Variants in RNFT2 observed in about 807,000 individuals in gnomAD.
RNFT2 encodes the protein ring finger protein, transmembrane 2.
A neutral mutation model predicts 53.0 loss-of-function variants in RNFT2; 36 were observed. The observed-to-expected ratio is 0.68, with a 90% confidence interval of 0.52 to 0.90. The LOEUF is 0.90. Among genes scored for constraint, RNFT2 ranks in the 40% least tolerant of loss-of-function variants. The probability of loss-of-function intolerance (pLI) is 0.00; values close to 1 mark genes in which losing one functional copy is unlikely to be tolerated. For missense variants in RNFT2, 514 were observed against 585.6 expected (o/e 0.88, Z 1.26); for synonymous variants, 260 against 253.2 (o/e 1.03, Z -0.26).
In RNFT2 at chr12:116,750,258, C is replaced by T. The variant is rs891615061; in HGVS notation, c.501C>T (p.Leu167=). 1.7e-5 allele frequency: 27 copies of T among 1,606,992 alleles called. No homozygotes were observed. Among genetic ancestry groups the T allele is most frequent in the Non-Finnish European group, 2.2e-5 (26 of 1,179,586 alleles). Reference sequence around the variant, plus strand: ...TGATCTGCTGGCTCCAGAAAGGACTCCCCTTCATCCTGATCCTCCTGGCCA... The same window carrying T: ...TGATCTGCTGGCTCCAGAAAGGACTTCCCTTCATCCTGATCCTCCTGGCCA... ...KAVICWLQKG[L]PFILILLAKL... is the part of the protein sequence containing the mutation. Residue 167 remains leucine (L), a synonymous_variant, in exon 4 of 11, where the codon CTC becomes CTT. Transcript: ENST00000257575.
intron 6 of RNFT2, among the ~76,000 whole-genome samples, chr12:116,775,606 A>C (rs949055597): frequency 6.6e-5 from 10 of 152,226 alleles, no homozygotes; most frequent in Non-Finnish European, 1.2e-4. Context: ...CTGATTTGCA[A>C]AATTGGAACC....
intron 4 of RNFT2, among the ~76,000 whole-genome samples, chr12:116,753,148 C>CTTTTTTTTTTTTT (rs11377177): frequency 9.7e-4 from 91 of 93,698 alleles, no homozygotes; most frequent in African/African-American, 1.4e-3. Flanking sequence ...TTTTCTTTTT[C>CTTTTTTTTTTTTT]TTTTTTTTTT....
chr12:116,742,293 G>A (rs1196228206), intron 3 of RNFT2, among the ~76,000 whole-genome samples: 1 of 146,174 alleles, frequency 6.8e-6, no homozygotes, highest in Non-Finnish European at 1.5e-5. Flanking sequence ...TTTGAGATAG[G>A]ATCTCCCTCT....
At chr12:116,765,362 G>T (rs1222235599) in intron 5 of RNFT2, among the ~76,000 whole-genome samples, 1 of 152,204 alleles carries the variant, frequency 6.6e-6, no homozygotes, top group Non-Finnish European at 1.5e-5. Flanking sequence ...GGAATAATGG[G>T]TGGATGGAGA....
intron 7 of RNFT2, among the ~76,000 whole-genome samples, chr12:116,832,140 A>ATATATATATATATATATATATAT (rs1555209706): frequency 8.8e-5 from 6 of 68,152 alleles, no homozygotes; most frequent in African/African-American, 3.2e-4. Context: ...CAAAAAAAAA[A>ATATATATATATATATATATATAT]AAAAAAAAAT....
chr12:116,829,920 T>TAAA lies in RNFT2; in HGVS notation c.883-3868_883-3866dup, dbSNP rs577859108. 2.9e-3 allele frequency among the ~76,000 whole-genome samples: 443 copies of TAAA among 151,996 alleles called. 1 individual carries two copies. The highest frequency in any genetic ancestry group is 4.9e-3 in the Non-Finnish European group (334 of 67,990). On this transcript the variant is annotated intron_variant, in intron 7 of 10. Transcript: ENST00000257575. The stretch of plus-strand genomic sequence containing the variant: ...ATTTAAACATATCACATGCTCAGTA[T>TAAA]AAAAAATCTGGAGAGAGCATAAAAA...
rs185946832 is a variant in RNFT2, at chr12:116,753,408, C to T, written c.551-576C>T. On this transcript the variant is annotated intron_variant, in intron 4 of 10. Coordinates refer to ENST00000257575, the MANE Select transcript of RNFT2 (RefSeq NM_001382266.1). ...TCAAGTGATCTGCCCACCTCGGCCTCCCAAAGTGCTGGGATTACAAGTGTG... is the reference window on the plus strand; with the variant it reads ...TCAAGTGATCTGCCCACCTCGGCCTTCCAAAGTGCTGGGATTACAAGTGTG... 1.9e-3 allele frequency among the ~76,000 whole-genome samples: 289 copies of T among 152,274 alleles called. 1 individual carries two copies. Among genetic ancestry groups the T allele is most frequent in the African/African-American group, 5.3e-3 (222 of 41,566 alleles).
At chr12:116,768,413 T>C (rs910057736) in intron 6 of RNFT2, among the ~76,000 whole-genome samples, 2 of 152,162 alleles carry the variant, frequency 1.3e-5, no homozygotes, top group Admixed American at 1.3e-4. Flanking sequence ...GTTTGGCCTT[T>C]TATATTACAG....
rs913161186 is a variant in RNFT2, at chr12:116,774,773, GTGGAGGGTGGAGGGTGGAGGGGA to G, written c.729-4408_729-4386del. ...CATGGTCTAGAATGTCAAGGTCCGG[GTGGAGGGTGGAGGGTGGAGGGGA>G]TGGAGGGTGGAGGAGGTGGAGTTTC... is the stretch of plus-strand genomic sequence containing the variant. On this transcript the variant is annotated intron_variant, in intron 6 of 10. Transcript: ENST00000257575. 1.8e-3 allele frequency among the ~76,000 whole-genome samples: 270 copies of G among 148,324 alleles called. 1 individual carries two copies. The highest frequency in any genetic ancestry group is 6.4e-3 in the African/African-American group (262 of 40,662).
intron 10 of RNFT2, among the ~76,000 whole-genome samples, chr12:116,847,474 C>G (rs7298450): frequency 0.2 from 30,068 of 151,828 alleles, 3,530 homozygotes; most frequent in East Asian, 0.36. Context: ...AGTTATACAG[C>G]CAGAGAACGG....
intron 7 of RNFT2, among the ~76,000 whole-genome samples, chr12:116,819,950 T>A (rs1875921854): frequency 6.6e-6 from 1 of 152,280 alleles, no homozygotes; most frequent in African/African-American, 2.4e-5. Flanking sequence ...ATTTTAATAC[T>A]ATATTTTATT....
intron 6 of RNFT2, among the ~76,000 whole-genome samples, chr12:116,771,480 A>T (rs1334755861): frequency 3.9e-4 from 45 of 114,184 alleles, no homozygotes; most frequent in African/African-American, 7.2e-4. Context: ...AAAAAAAAAA[A>T]AAAAAAAAAA....
intron 7 of RNFT2, among the ~76,000 whole-genome samples, chr12:116,780,677 A>G (rs1294622923): frequency 2.0e-5 from 3 of 152,168 alleles, no homozygotes; most frequent in Admixed American, 1.3e-4. Flanking sequence ...AGACAAAAAA[A>G]AAAAAAAGAG....
intron 6 of RNFT2, among the ~76,000 whole-genome samples, 191 bp downstream of exon 6, chr12:116,767,105 A>C (rs1872951764): frequency 6.6e-6 from 1 of 152,268 alleles, no homozygotes; most frequent in Non-Finnish European, 1.5e-5. Flanking sequence ...CAAGCCACAT[A>C]GGTAAATTAA....
At chr12:116,786,537 G>T (rs1037945876) in intron 7 of RNFT2, among the ~76,000 whole-genome samples, 1 of 146,620 alleles carries the variant, frequency 6.8e-6, no homozygotes, top group African/African-American at 2.8e-5. Flanking sequence ...GATAAGGAAG[G>T]CATTTGAGGT....
chr12:116,755,929 T>C lies in RNFT2; in HGVS notation c.627+1869T>C, dbSNP rs1404360099. 2.8e-6 allele frequency: 3 copies of C among 1,073,428 alleles called. No homozygotes were observed. The East Asian group carries it at 7.2e-5, about 26-fold the overall frequency. 66.5% of individuals were successfully genotyped at this position (1,073,428 alleles called of 1,614,324 possible). On this transcript the variant is annotated intron_variant, in intron 5 of 10. Coordinates refer to ENST00000257575, the MANE Select transcript of RNFT2 (RefSeq NM_001382266.1). ...CGGCTGAAAGGAAAAGATATGTCCT[T>C]ATTTTTGTACCAGTACCATGCTGTT...
In RNFT2 at chr12:116,806,381, A is replaced by AATAT. The variant is rs1250359544; in HGVS notation, c.882+27049_882+27052dup. ...TGAGACTGTCTCAAAAAAAAAAAAA[A>AATAT]ATATATATATATATATATAGATAGA... On this transcript the variant is annotated intron_variant, in intron 7 of 10. Transcript: ENST00000257575. Among the ~76,000 whole-genome samples, 554 of 133,412 alleles carry AATAT rather than the reference A, an allele frequency of 4.2e-3. 10 individuals carry two copies. The highest frequency in any genetic ancestry group is 0.037 in the East Asian group (165 of 4,480). 87.5% of individuals were successfully genotyped at this position (133,412 alleles called of 152,430 possible).
intron 6 of RNFT2, among the ~76,000 whole-genome samples, chr12:116,774,441 T>A (rs1462001707): frequency 6.6e-6 from 1 of 152,064 alleles, no homozygotes; most frequent in Non-Finnish European, 1.5e-5. Context: ...TAGCTTCATT[T>A]AAAAAAAAGT....
At chr12:116,842,479 G>T (rs1225529071) in intron 10 of RNFT2, among the ~76,000 whole-genome samples, 2 of 152,188 alleles carry the variant, frequency 1.3e-5, no homozygotes, top group Non-Finnish European at 2.9e-5. Context: ...TGACCTGTCT[G>T]TTTGCTGTTA....
Sources: allele counts gnomAD v4.1 joint callset (sites outside exome capture counted in the v4.1 genomes callset), GRCh38; gene constraint gnomAD v4.1.1; transcripts MANE v1.5; gene names NCBI Gene and HGNC (gene_info 2026-07-23, HGNC 2026-07-21).